KANK1: variants seen among roughly 807,000 people sequenced by gnomAD.
KANK1 encodes KN motif and ankyrin repeat domains 1.
KANK1 carries 109 observed loss-of-function variants against 106.2 expected under a neutral mutation model. The ratio of observed to expected loss-of-function variants is 1.03; its 90% confidence interval spans 0.88 to 1.20. KANK1 has a LOEUF of 1.20. KANK1 is among the 50% of genes most tolerant of loss of function. The pLI, the probability that KANK1 is intolerant of heterozygous loss-of-function variation, is 0.00. For synonymous variants in KANK1, 873 were observed against 652.2 expected (o/e 1.34, Z -5.16); for missense variants, 2,399 against 1,710.7 (o/e 1.40, Z -7.10).
At chr9:595,168 A>T (rs1401793909) in intron 1 of KANK1, among the ~76,000 whole-genome samples, 3 of 151,596 alleles carry the variant, frequency 2.0e-5, no homozygotes, top group Admixed American at 2.0e-4. Context: ...AGTCCCAGCT[A>T]CTCAGGAAGC....
rs762810605 is a variant in KANK1 at position 712,371 on chromosome 9, C to T, written c.1605C>T (p.Asp535=). Residue 535 remains aspartate, a synonymous_variant, in exon 3 of 12, where the codon GAC becomes GAT. Transcript: ENST00000382297. ...QMVGSHMDLV[D]TCVGTSVETN... ...TCGGCAGTCACATGGACCTGGTGGA[C>T]ACGTGTGTTGGGACCTCCGTGGAAA... The T allele has an allele frequency of 5.6e-6, 9 of 1,614,036 alleles. No homozygotes were observed. The highest frequency in any genetic ancestry group is 7.6e-6 in the Non-Finnish European group (9 of 1,180,042).
intron 1 of KANK1, among the ~76,000 whole-genome samples, chr9:632,797 C>T (rs1482087940): frequency 6.6e-6 from 1 of 152,092 alleles, no homozygotes; most frequent in Non-Finnish European, 1.5e-5. Flanking sequence ...TCAGGTGATT[C>T]TCCTGCCTCT....
intron 1 of KANK1, among the ~76,000 whole-genome samples, chr9:598,728 T>C (rs1826934797): frequency 1.4e-5 from 2 of 138,812 alleles, no homozygotes; most frequent in Admixed American, 1.5e-4. Context: ...CCTCCTGGGT[T>C]CAAGCGATTC....
chr9:535,654 A>G (rs1050124883), intron 1 of KANK1, among the ~76,000 whole-genome samples: 7 of 152,230 alleles, frequency 4.6e-5, no homozygotes, highest in African/African-American at 1.7e-4. Flanking sequence ...CTGAGTTGTT[A>G]GGGCCTTTGC....
Position 659,645 on chromosome 9 carries a change from A to G in KANK1, c.-83-17245A>G, listed in dbSNP as rs191256818. 2.5e-3 allele frequency among the ~76,000 whole-genome samples: 385 copies of G among 152,154 alleles called. 3 individuals carry two copies. Among genetic ancestry groups the G allele is most frequent in the African/African-American group, 8.8e-3 (367 of 41,484 alleles). On this transcript the variant is annotated intron_variant, in intron 1 of 11. Coordinates refer to ENST00000382297, the MANE Select transcript of KANK1 (RefSeq NM_015158.5). ...GGGAAGCGTCAGGAAACTTACAGTC[A>G]TGGTGGATGGCGAAGGGGAAGGTGG...
At chr9:738,607 A>T (rs1834452230) in intron 8 of KANK1, 103 bp downstream of exon 8, 1 of 889,402 alleles carries the variant, frequency 1.1e-6, no homozygotes, top group African/African-American at 1.7e-5. Flanking sequence ...TGACCATGCT[A>T]AAATCCTTTT....
rs1836703765 is a variant in KANK1, at chr9:744,594, G to C, written c.3996+5G>C. On this transcript the variant is annotated splice_donor_5th_base_variant and intron_variant, in intron 11 of 11. Coordinates refer to ENST00000382297, the MANE Select transcript of KANK1 (RefSeq NM_015158.5). ...TTTGCAAAAGCCCAGTCTCCGGTCAGTGTTGTGCATTTGGCATTTGTAAAT... is the reference window on the plus strand; with the variant it reads ...TTTGCAAAAGCCCAGTCTCCGGTCACTGTTGTGCATTTGGCATTTGTAAAT... 1.2e-6 allele frequency: 2 copies of C among 1,614,148 alleles called. No homozygotes were observed. Among genetic ancestry groups the C allele is most frequent in the Non-Finnish European group, 1.7e-6 (2 of 1,180,024 alleles).
In KANK1 at chr9:536,871, C is replaced by G. The variant is rs1031260178; in HGVS notation, c.-84+32117C>G. On this transcript the variant is annotated intron_variant, in intron 1 of 11. Transcript: ENST00000382297. ...ACAGTTAACTCTCTTAGTTCGCAGT[C>G]GGCACCCCTTTAAGTAAAGTGTGTG... Among the ~76,000 whole-genome samples, 3 of 152,162 alleles carry G rather than the reference C, an allele frequency of 2.0e-5. No individual in the cohort carries two copies. In the East Asian group the frequency reaches 5.8e-4, roughly 29 times the overall value.
chr9:735,139 C>G (rs1247290619), intron 7 of KANK1, among the ~76,000 whole-genome samples: 2 of 152,184 alleles, frequency 1.3e-5, no homozygotes, highest in Non-Finnish European at 2.9e-5. Flanking sequence ...CGTCATCTTT[C>G]TACATATTTC....
chr9:680,197 TG>T (rs1177630768), intron 2 of KANK1, among the ~76,000 whole-genome samples: 1 of 152,118 alleles, frequency 6.6e-6, no homozygotes, highest in African/African-American at 2.4e-5. Flanking sequence ...GTCAGGGCAG[TG>T]GCAAAAGAAG....
chr9:683,752 C>T (rs1818019227), intron 2 of KANK1, among the ~76,000 whole-genome samples: 1 of 152,074 alleles, frequency 6.6e-6, no homozygotes, highest in African/African-American at 2.4e-5. Context: ...AATTAATAAA[C>T]ATATTGTTAT....
intron 1 of KANK1, among the ~76,000 whole-genome samples, chr9:561,387 T>C (rs1362481274): frequency 6.6e-6 from 1 of 152,236 alleles, no homozygotes; most frequent in African/African-American, 2.4e-5. Context: ...ACATAGCATC[T>C]CTCTGTATGA....
chr9:528,011 T>C (rs2059876751), intron 1 of KANK1, among the ~76,000 whole-genome samples: 1 of 151,654 alleles, frequency 6.6e-6, no homozygotes, highest in Admixed American at 6.6e-5. Flanking sequence ...GGCGCCTGTA[T>C]AGTCCCAGCT....
rs146648084 is a variant in KANK1, at chr9:712,829, C to T, written c.2063C>T (p.Thr688Met). 7.7e-5 allele frequency: 124 copies of T among 1,613,750 alleles called. No individual in the cohort carries two copies. The highest frequency in any genetic ancestry group is 4.0e-4 in the African/African-American group (30 of 74,884). Residue 688 changes from threonine to methionine, a missense_variant, in exon 3 of 12, where the codon ACG becomes ATG. Physicochemically the swap from Thr to Met is moderately conservative, Grantham distance 81 (BLOSUM62 -1). Transcript: ENST00000382297. ...EQVHQFTNTE[T>M]ATLIESCTNT... ...GTGCACCAGTTCACCAACACCGAGA[C>T]GGCCACCCTCATAGAGTCCTGCACC...
intron 2 of KANK1, among the ~76,000 whole-genome samples, chr9:685,126 G>T (rs182713053): frequency 9.2e-5 from 14 of 152,304 alleles, no homozygotes; most frequent in Non-Finnish European, 1.8e-4. Flanking sequence ...TTTAGGAAAA[G>T]TATGCTCATG....
chr9:665,826 A>G (rs908116565), intron 1 of KANK1, among the ~76,000 whole-genome samples: 2 of 152,106 alleles, frequency 1.3e-5, no homozygotes, highest in Non-Finnish European at 2.9e-5. Flanking sequence ...TTCATCTTCT[A>G]TTTATTTAAT....
intron 1 of KANK1, among the ~76,000 whole-genome samples, chr9:593,632 T>A (rs1228497052): frequency 6.6e-6 from 1 of 151,688 alleles, no homozygotes; most frequent in Non-Finnish European, 1.5e-5. Context: ...AAGACCTGAT[T>A]TGTTTGTGTA....
intron 2 of KANK1, chr9:707,344 C>A: frequency 1.9e-6 from 1 of 538,712 alleles, no homozygotes; most frequent in Non-Finnish European, 2.4e-6. Flanking sequence ...CACTGCTGGG[C>A]CGCTTCACTC....
chr9:688,531 G>C (rs781549535), intron 2 of KANK1, among the ~76,000 whole-genome samples: 2 of 133,052 alleles, frequency 1.5e-5, no homozygotes, highest in Non-Finnish European at 3.3e-5. Context: ...GCTTGAACCC[G>C]AGAGGTGGAG....
Sources: gnomAD v4.1 joint callset for allele counts (sites outside exome capture counted in the v4.1 genomes callset) on GRCh38, gnomAD v4.1.1 for gene constraint, MANE v1.5 for transcripts, NCBI Gene and HGNC (gene_info 2026-07-23, HGNC 2026-07-21) for gene names.